Variants in DNAH8 observed in about 807,000 individuals in gnomAD.
DNAH8 encodes dynein axonemal heavy chain 8.
In DNAH8, 382 loss-of-function variants were observed where a neutral mutation model predicts 562.1. The ratio of observed to expected loss-of-function variants is 0.68; its 90% CI spans 0.63 to 0.74. DNAH8 has a LOEUF of 0.74. Among genes scored for constraint, DNAH8 ranks in the 30% least tolerant of loss-of-function variants. The probability of loss-of-function intolerance (pLI) is 0.00; values close to 1 mark genes in which losing one functional copy is unlikely to be tolerated. For missense variants in DNAH8, 5,203 were observed against 5,620.4 expected (o/e 0.93, Z 2.37); for synonymous variants, 1,881 against 1,919.4 (o/e 0.98, Z 0.52).
At chr6:38,870,678 A>G in intron 49 of DNAH8, 116 bp downstream of exon 49, 1 of 1,019,938 alleles carries the variant, frequency 9.8e-7, no homozygotes, top group Non-Finnish European at 1.4e-6. Context: ...TGAAAACATC[A>G]TATATACATC....
chr6:38,958,168 A>ACT (rs1554145665), intron 82 of DNAH8, among the ~76,000 whole-genome samples: 8 of 148,644 alleles, frequency 5.4e-5, no homozygotes, highest in Non-Finnish European at 1.2e-4. Context: ...CGCCTGACTA[A>ACT]TTTTTTTTTT....
chr6:38,896,812 G>A (rs1224849239), intron 60 of DNAH8, among the ~76,000 whole-genome samples: 6 of 152,050 alleles, frequency 3.9e-5, no homozygotes, highest in Admixed American at 3.3e-4. Flanking sequence ...TTGAGATGGA[G>A]TCTCTCTCTG....
chr6:38,870,479 G>A lies in DNAH8; in HGVS notation c.6907G>A (p.Ala2303Thr). The change falls in exon 49 of 93, where the codon GCA (alanine) becomes ACA (threonine). Residue 2303 changes from alanine to threonine, a missense_variant. Around this residue, in one of 6 missense-constraint regions of DNAH8, gnomAD observed 2,176 missense variants for 2,365.1 expected, o/e 0.92. Transcript: ENST00000327475. The stretch of plus-strand genomic sequence containing the variant: ...ACTGCAACTGGATAGTAATACTTAT[G>A]CAGAACTGCAAAACGCAGTAGCCCA... Reference protein sequence around the residue: ...PGLQLDSNTYAELQNAVAHQV... With the variant: ...PGLQLDSNTYTELQNAVAHQV... 1 of 1,614,076 alleles carries A rather than the reference G, an allele frequency of 6.2e-7. No homozygotes were observed. Among genetic ancestry groups the A allele is most frequent in the Non-Finnish European group, 8.5e-7 (1 of 1,179,978 alleles).
At chr6:38,719,346 A>C (rs1762575442) in intron 1 of DNAH8, among the ~76,000 whole-genome samples, 2 of 152,204 alleles carry the variant, frequency 1.3e-5, no homozygotes, top group African/African-American at 4.8e-5. Context: ...TAGTGAGCAT[A>C]GTACCCAATA....
chr6:38,871,628 A>AT (rs1777472071), intron 49 of DNAH8, among the ~76,000 whole-genome samples: 1 of 152,080 alleles, frequency 6.6e-6, no homozygotes, highest in Non-Finnish European at 1.5e-5. Context: ...TTGACTTCTT[A>AT]ATTTTTTTAA....
At position 38,803,116 on chromosome 6, in the gene DNAH8, A is replaced by G. The variant is rs1583045663; in HGVS notation, c.2902-63A>G. On this transcript the variant is annotated intron_variant, in intron 21 of 92. Coordinates refer to ENST00000327475, the MANE Select transcript of DNAH8 (RefSeq NM_001206927.2). ...TAGTTTTATAAATTAAAGTCATAGG[A>G]CTAATTTTCACAGTGTTACTTTTAA... The G allele has an allele frequency of 9.5e-6, 11 of 1,158,520 alleles. No homozygotes were observed. The East Asian group carries it at 2.9e-4, about 31-fold the overall frequency. 71.8% of individuals were successfully genotyped at this position (1,158,520 alleles called of 1,614,324 possible).
At chr6:38,934,474 G>A (rs1371573114) in intron 76 of DNAH8, among the ~76,000 whole-genome samples, 1 of 152,064 alleles carries the variant, frequency 6.6e-6, no homozygotes, top group East Asian at 1.9e-4. Flanking sequence ...TGATTGACTG[G>A]TTCAGGAAGA....
chr6:38,795,179 A>C (rs924206470), intron 21 of DNAH8, among the ~76,000 whole-genome samples: 1 of 152,202 alleles, frequency 6.6e-6, no homozygotes, highest in African/African-American at 2.4e-5. Context: ...TACATTCCCA[A>C]TGTTGTATAA....
rs763749116 is a variant in DNAH8, at chr6:38,807,638, C to G, written c.3179C>G (p.Ser1060Cys). ...TGTAAAGAGGTCTTTGCTTTTTTCT[C>G]TCATCAATTACTAGACAGTCTTCAA... ...KECKEVFAFF[S>C]HQLLDSLQKA... The change falls in exon 24 of 93, where the codon TCT (serine) becomes TGT (cysteine). Residue 1060 changes from serine to cysteine, a missense_variant. By Grantham distance (112) the Ser-to-Cys change is moderately radical. This residue lies in a region of DNAH8 where 2,176 missense variants were observed against 2,365.1 expected (regional missense o/e 0.92). Coordinates refer to ENST00000327475, the MANE Select transcript of DNAH8 (RefSeq NM_001206927.2). 2 of 1,556,322 alleles carry G rather than the reference C, an allele frequency of 1.3e-6. No individual in the cohort carries two copies. The highest frequency in any genetic ancestry group is 3.9e-5 in the Admixed American group (2 of 50,832).
At chr6:38,867,160 C>A (rs1192642222) in intron 47 of DNAH8, among the ~76,000 whole-genome samples, 11 of 152,100 alleles carry the variant, frequency 7.2e-5, no homozygotes, top group African/African-American at 2.7e-4. Flanking sequence ...AATAACAAAA[C>A]TGGAAATGGA....
At chr6:38,813,332 T>C (rs990487629) in intron 24 of DNAH8, among the ~76,000 whole-genome samples, 1 of 152,152 alleles carries the variant, frequency 6.6e-6, no homozygotes, top group Non-Finnish European at 1.5e-5. Flanking sequence ...CTGGGAACCA[T>C]TGGCCCTGAG....
intron 18 of DNAH8, among the ~76,000 whole-genome samples, chr6:38,788,706 A>T (rs569090619): frequency 6.6e-5 from 10 of 151,618 alleles, no homozygotes; most frequent in African/African-American, 1.9e-4. Context: ...TGATTTGCAA[A>T]TTTTTTCTCC....
chr6:38,964,884 A>T (rs1762870154), intron 82 of DNAH8, among the ~76,000 whole-genome samples: 1 of 152,048 alleles, frequency 6.6e-6, no homozygotes, highest in African/African-American at 2.4e-5. Flanking sequence ...CAAACATAGC[A>T]AAACCCTGTC....
At chr6:38,778,700 T>TC (rs1768295706) in intron 14 of DNAH8, among the ~76,000 whole-genome samples, 1 of 152,202 alleles carries the variant, frequency 6.6e-6, no homozygotes, top group African/African-American at 2.4e-5. Flanking sequence ...TGAAATTATT[T>TC]CTCATGTTTC....
chr6:38,945,175 GT>G (rs1291202691), intron 79 of DNAH8, among the ~76,000 whole-genome samples: 5 of 152,050 alleles, frequency 3.3e-5, no homozygotes, highest in African/African-American at 1.2e-4. Context: ...TAAGTTTTAG[GT>G]TGTTAAAAAA....
chr6:38,783,654 A>C (rs1768860714), intron 17 of DNAH8, among the ~76,000 whole-genome samples: 1 of 152,070 alleles, frequency 6.6e-6, no homozygotes, highest in African/African-American at 2.4e-5. Flanking sequence ...GGGAGGGCTT[A>C]TGTGTTGCCA....
At chr6:38,850,867 A>G (rs1047419153) in intron 38 of DNAH8, among the ~76,000 whole-genome samples, 2 of 152,052 alleles carry the variant, frequency 1.3e-5, no homozygotes, top group African/African-American at 4.8e-5. Flanking sequence ...TTATGACGAC[A>G]TTTGTCACTG....
intron 47 of DNAH8, among the ~76,000 whole-genome samples, chr6:38,867,481 A>G (rs545571254): frequency 6.6e-6 from 1 of 152,064 alleles, no homozygotes; most frequent in African/African-American, 2.4e-5. Context: ...GCCGTGGCTC[A>G]CGTCTGTAAT....
intron 85 of DNAH8, 59 bp from the exon 86 acceptor site, chr6:38,982,287 A>G (rs1764085362): frequency 2.7e-6 from 2 of 730,226 alleles, no homozygotes; most frequent in East Asian, 2.5e-5. Flanking sequence ...CTGTATTTTG[A>G]TAGCAATAAA....
Sources: allele counts gnomAD v4.1 joint callset (sites outside exome capture counted in the v4.1 genomes callset), GRCh38; gene constraint gnomAD v4.1.1; regional missense constraint gnomAD v4.1.1; transcripts MANE v1.5; gene names NCBI Gene and HGNC (gene_info 2026-07-23, HGNC 2026-07-21).